Variants in SLC35F4 observed in about 807,000 individuals in gnomAD.
The protein encoded by SLC35F4 is chromosome 14 open reading frame 36.
A neutral mutation model predicts 44.2 loss-of-function variants in SLC35F4; 24 were observed. The ratio of observed to expected loss-of-function variants is 0.54; its 90% CI spans 0.39 to 0.76. The LOEUF (loss-of-function observed/expected upper bound fraction) is 0.76, where lower values mean the gene tolerates loss of function less well. SLC35F4 is among the 30% of genes least tolerant of loss of function. The probability of loss-of-function intolerance (pLI) is 0.00; values close to 1 mark genes in which losing one functional copy is unlikely to be tolerated. For missense variants in SLC35F4, 562 were observed against 586.1 expected, an observed-to-expected ratio of 0.96 and a Z score of 0.42; for synonymous variants, 238 against 223.6, an observed-to-expected ratio of 1.06 and a Z score of -0.57.
chr14:57,705,558 T>G (rs1380710004), intron 1 of SLC35F4, among the ~76,000 whole-genome samples: 6 of 152,302 alleles, frequency 3.9e-5, no homozygotes, highest in African/African-American at 1.2e-4. Flanking sequence ...CAGCATGAGA[T>G]GAAAGCAGGT....
At chr14:57,817,822 CAGAG>C (rs1882771605) in intron 1 of SLC35F4, among the ~76,000 whole-genome samples, 2 of 152,050 alleles carry the variant, frequency 1.3e-5, no homozygotes, top group African/African-American at 4.8e-5. Flanking sequence ...ATTGTCTCAG[CAGAG>C]TATTGAGGTA....
chr14:57,952,221 A>T (rs1352316444), intron 1 of SLC35F4, among the ~76,000 whole-genome samples: 1 of 152,208 alleles, frequency 6.6e-6, no homozygotes, highest in Non-Finnish European at 1.5e-5. Flanking sequence ...AAAACTAACA[A>T]ACAGGAAGGA....
intron 1 of SLC35F4, among the ~76,000 whole-genome samples, chr14:57,715,346 G>T (rs2075914483): frequency 1.3e-5 from 2 of 152,186 alleles, no homozygotes; most frequent in African/African-American, 4.8e-5. Context: ...ATACATCCCT[G>T]TTTGCTCAGT....
chr14:57,753,568 C>T (rs1361662386), intron 1 of SLC35F4, among the ~76,000 whole-genome samples: 2 of 152,158 alleles, frequency 1.3e-5, no homozygotes, highest in South Asian at 2.1e-4. Context: ...CTAGACCAGA[C>T]GCAGGTGTTC....
intron 1 of SLC35F4, among the ~76,000 whole-genome samples, chr14:57,872,845 A>G (rs1202790589): frequency 6.6e-6 from 1 of 152,132 alleles, no homozygotes; most frequent in African/African-American, 2.4e-5. Context: ...ATATGTATAC[A>G]CCAGTACATA....
chr14:57,930,953 A>G (rs1889686072), intron 1 of SLC35F4, among the ~76,000 whole-genome samples: 1 of 152,228 alleles, frequency 6.6e-6, no homozygotes, highest in South Asian at 2.1e-4. Context: ...TTAGGAAAAA[A>G]ATAGGAAAAA....
intron 1 of SLC35F4, among the ~76,000 whole-genome samples, chr14:57,832,406 T>C (rs746881328): frequency 2.0e-5 from 3 of 152,184 alleles, no homozygotes; most frequent in Non-Finnish European, 4.4e-5. Flanking sequence ...AAGAAGAATA[T>C]GTAGGATGAA....
At chr14:57,886,683 C>T (rs1186123815) in intron 1 of SLC35F4, among the ~76,000 whole-genome samples, 1 of 151,600 alleles carries the variant, frequency 6.6e-6, no homozygotes, top group African/African-American at 2.4e-5. Context: ...CCCATTGGTT[C>T]TTTGTATAGC....
intron 1 of SLC35F4, among the ~76,000 whole-genome samples, chr14:57,811,317 A>G (rs1343982618): frequency 1.3e-5 from 2 of 152,342 alleles, no homozygotes; most frequent in African/African-American, 2.4e-5. Context: ...GGCAAGTTAC[A>G]TAATCTTTCT....
At chr14:57,873,300 G>A (rs1888332950) in intron 1 of SLC35F4, among the ~76,000 whole-genome samples, 2 of 152,120 alleles carry the variant, frequency 1.3e-5, no homozygotes, top group South Asian at 4.1e-4. Context: ...TGAACGCCAA[G>A]GGGGAAAAGA....
At chr14:57,682,213 C>A (rs1359736984) in intron 1 of SLC35F4, among the ~76,000 whole-genome samples, 1 of 152,156 alleles carries the variant, frequency 6.6e-6, no homozygotes, top group East Asian at 1.9e-4. Context: ...TATTGTGGCA[C>A]TGTTCACAAT....
intron 1 of SLC35F4, among the ~76,000 whole-genome samples, chr14:57,665,038 G>C (rs574802728): frequency 9.9e-5 from 15 of 152,054 alleles, no homozygotes; most frequent in Middle Eastern, 3.4e-3. Flanking sequence ...CTTCAGAGTG[G>C]GGCTGAACCA....
rs151321619 is a variant in SLC35F4, at chr14:57,582,818, G to A, written c.588-1385C>T. Among the ~76,000 whole-genome samples the A allele has an allele frequency of 5.1e-3, 778 of 152,268 alleles. 4 individuals carry two copies. Among genetic ancestry groups the A allele is most frequent in the Admixed American group, 8.7e-3 (133 of 15,292 alleles). ...GTATTGCAAATCAAAGTAAATTCTA[G>A]CCAATGTTTGCCTCACATGAATAAC... On this transcript the variant is annotated intron_variant, in intron 3 of 7. Transcript: ENST00000556826.
rs760312993 is a variant in SLC35F4, at chr14:57,760,552, G to A, written c.103+105171C>T. 1.7e-4 allele frequency among the ~76,000 whole-genome samples: 26 copies of A among 151,976 alleles called. 1 individual carries two copies. The highest frequency in any genetic ancestry group is 4.6e-4 in the Admixed American group (7 of 15,258). ...TTTTTTCTATCTCTATTGTGTGCTG[G>A]ATATTTTTGTATTCCTACAAATACA... On this transcript the variant is annotated intron_variant, in intron 1 of 7. Transcript: ENST00000556826.
At chr14:57,688,971 G>A (rs2075146516) in intron 1 of SLC35F4, among the ~76,000 whole-genome samples, 1 of 152,172 alleles carries the variant, frequency 6.6e-6, no homozygotes, top group Non-Finnish European at 1.5e-5. Flanking sequence ...AGTTGCCTAA[G>A]ATGATGTCAA....
intron 1 of SLC35F4, among the ~76,000 whole-genome samples, chr14:57,696,219 T>A (rs762620313): frequency 3.9e-5 from 6 of 152,150 alleles, no homozygotes; most frequent in Admixed American, 6.6e-5. Flanking sequence ...TACAAGGAAC[T>A]TAAACAAATT....
intron 1 of SLC35F4, chr14:57,630,145 A>G (rs2072694345): frequency 1.1e-5 from 6 of 554,340 alleles, no homozygotes; most frequent in South Asian, 8.3e-5. Flanking sequence ...TGGCAGATTA[A>G]AATACAGTTT....
intron 1 of SLC35F4, among the ~76,000 whole-genome samples, chr14:57,759,728 G>A (rs1206352137): frequency 6.6e-6 from 1 of 152,028 alleles, no homozygotes; most frequent in African/African-American, 2.4e-5. Flanking sequence ...TACCCTAATA[G>A]GTATAAGGTT....
chr14:57,839,823 G>C (rs1009098942), intron 1 of SLC35F4, among the ~76,000 whole-genome samples: 1 of 152,090 alleles, frequency 6.6e-6, no homozygotes, highest in Non-Finnish European at 1.5e-5. Flanking sequence ...TGGAGCCCAG[G>C]CATCTGTATT....
Sources: gnomAD v4.1 joint callset for allele counts (sites outside exome capture counted in the v4.1 genomes callset) on GRCh38, gnomAD v4.1.1 for gene constraint, MANE v1.5 for transcripts, NCBI Gene and HGNC (gene_info 2026-07-23, HGNC 2026-07-21) for gene names.